Variants in CRTC3 observed in about 807,000 individuals in gnomAD.
The protein encoded by CRTC3 is CREB-regulated transcription coactivator 3.
In CRTC3, 26 loss-of-function variants were observed where a neutral mutation model predicts 74.5. The observed-to-expected ratio is 0.35, with a 90% CI of 0.26 to 0.48. The LOEUF (loss-of-function observed/expected upper bound fraction) is 0.48, where lower values mean the gene tolerates loss of function less well. CRTC3 is among the 20% of genes least tolerant of loss of function. The pLI is 0.99. For missense variants in CRTC3, 760 were observed against 787.3 expected (o/e 0.97, Z 0.41); for synonymous variants, 377 against 325.8 (o/e 1.16, Z -1.69).
intron 2 of CRTC3, among the ~76,000 whole-genome samples, chr15:90,567,662 A>G (rs1967156030): frequency 1.3e-5 from 2 of 149,024 alleles, no homozygotes; most frequent in East Asian, 4.0e-4. Context: ...TACTCCAGCC[A>G]GGGCAACAAG....
At chr15:90,577,174 C>T (rs77018290) in intron 2 of CRTC3, among the ~76,000 whole-genome samples, 1,837 of 152,264 alleles carry the variant, frequency 0.012, 54 homozygotes, top group East Asian at 0.12. Flanking sequence ...TTTCAATCTC[C>T]CCATTACCAT....
At chr15:90,568,872 A>G (rs1967187627) in intron 2 of CRTC3, among the ~76,000 whole-genome samples, 1 of 152,246 alleles carries the variant, frequency 6.6e-6, no homozygotes, top group Admixed American at 6.5e-5. Flanking sequence ...TGAAGGCTCA[A>G]ATGATCCTTA....
chr15:90,639,981 G>A (rs938426706), intron 13 of CRTC3, among the ~76,000 whole-genome samples: 4 of 151,920 alleles, frequency 2.6e-5, no homozygotes, highest in South Asian at 2.1e-4. Flanking sequence ...GCCGGGAGGC[G>A]GAGCTTGCAG....
chr15:90,584,045 C>T (rs999333563), intron 2 of CRTC3, among the ~76,000 whole-genome samples: 22 of 151,994 alleles, frequency 1.4e-4, no homozygotes, highest in Admixed American at 1.4e-3. Flanking sequence ...GCTGGCAGTG[C>T]CTAGAATGAT....
Position 90,579,634 on chromosome 15 carries a change from C to CCT in CRTC3, c.232-14002_232-14001insCT, listed in dbSNP as rs772962487. On this transcript the variant is annotated intron_variant, in intron 2 of 14. Coordinates refer to ENST00000268184, the MANE Select transcript of CRTC3 (RefSeq NM_022769.5). ...GATTACATGGAGTAAACGTATTTCA[C>CCT]TTTTTTTTTTTTTTTTTTTTTTTTT... is the stretch of plus-strand genomic sequence containing the variant. Among the ~76,000 whole-genome samples the CCT allele has an allele frequency of 9.5e-5, 8 of 84,200 alleles. No individual in the cohort carries two copies. In the East Asian group the frequency reaches 2.9e-3, roughly 30 times the overall value. The allele number at this position is 84,200 out of a possible 152,430, so 55.2% of individuals were successfully genotyped here. A position where few individuals can be genotyped will look rare whatever the true frequency, so the allele number is the denominator to read the frequency against.
intron 2 of CRTC3, among the ~76,000 whole-genome samples, chr15:90,580,575 G>A (rs1967515651): frequency 6.6e-6 from 1 of 151,906 alleles, no homozygotes; most frequent in Admixed American, 6.6e-5. Context: ...TTACAGGCAC[G>A]TGCATGACCA....
rs929860237 is a variant in CRTC3 at position 90,530,668 on chromosome 15, G to C, written c.132+465G>C. On this transcript the variant is annotated intron_variant, in intron 1 of 14. Transcript: ENST00000268184. This position sits in a 1 kb window ranked among gnomAD's most constrained non-coding sequence, Gnocchi z 6.2. ...AGGGTCCCACGCGCTCGTGGGGGGA[G>C]CTCTGTGCACAAGTCCATCCAGGGC... is the stretch of plus-strand genomic sequence containing the variant. The C allele has an allele frequency of 6.6e-6, 1 of 152,244 alleles. No individual in the cohort carries two copies. The highest frequency in any genetic ancestry group is 2.4e-5 in the African/African-American group (1 of 41,446). The allele number at this position is 152,244 out of a possible 1,614,324, so 9.4% of individuals were successfully genotyped here.
intron 3 of CRTC3, 180 bp downstream of exon 3, chr15:90,593,935 T>C (rs1967858736): frequency 1.9e-6 from 1 of 533,600 alleles, no homozygotes; most frequent in Non-Finnish European, 3.1e-6. Context: ...TTTGGAAACA[T>C]CATTGTAGGT....
intron 11 of CRTC3, among the ~76,000 whole-genome samples, chr15:90,632,286 TAATA>T (rs1969067759): frequency 6.6e-6 from 1 of 152,136 alleles, no homozygotes; most frequent in South Asian, 2.1e-4. Flanking sequence ...TTAATTTGTT[TAATA>T]TTTAGATTTT....
At chr15:90,548,123 A>G (rs1490273741) in intron 2 of CRTC3, among the ~76,000 whole-genome samples, 1 of 151,386 alleles carries the variant, frequency 6.6e-6, no homozygotes, top group Non-Finnish European at 1.5e-5. Flanking sequence ...TCCTGAGCTC[A>G]AGCGATCCAC....
At chr15:90,598,625 A>G (rs145530205) in intron 3 of CRTC3, 198 of 673,958 alleles carry the variant, frequency 2.9e-4, no homozygotes, top group Non-Finnish European at 4.2e-4. Context: ...ATGGACTATA[A>G]GAAGAGGAAC....
At chr15:90,579,656 T>TTTTTTTTTTC in intron 2 of CRTC3, among the ~76,000 whole-genome samples, 1 of 143,990 alleles carries the variant, frequency 6.9e-6, no homozygotes, top group African/African-American at 2.8e-5. Flanking sequence ...TTTTTTTTTT[T>TTTTTTTTTTC]TTTGAGACAG....
intron 2 of CRTC3, among the ~76,000 whole-genome samples, chr15:90,562,789 A>C (rs116400607): frequency 0.015 from 2,239 of 152,162 alleles, 49 homozygotes; most frequent in African/African-American, 0.049. Flanking sequence ...GTTGGGAGGC[A>C]ACAGCCTGGA....
At chr15:90,534,676 C>T (rs1966688198) in intron 1 of CRTC3, among the ~76,000 whole-genome samples, 1 of 152,214 alleles carries the variant, frequency 6.6e-6, no homozygotes, top group Non-Finnish European at 1.5e-5. Context: ...ACTCACCCGA[C>T]ATTTCTGGAC....
chr15:90,624,460 C>A (rs755804898), intron 9 of CRTC3, among the ~76,000 whole-genome samples: 30 of 152,096 alleles, frequency 2.0e-4, no homozygotes, highest in Non-Finnish European at 3.5e-4. Flanking sequence ...CCTGCCTCTC[C>A]CTCCCCATGT....
intron 2 of CRTC3, among the ~76,000 whole-genome samples, chr15:90,546,425 G>C (rs1390287352): frequency 6.6e-6 from 1 of 152,042 alleles, no homozygotes; most frequent in Non-Finnish European, 1.5e-5. Context: ...ACCATCTTCT[G>C]TGTCATTGGT....
intron 2 of CRTC3, among the ~76,000 whole-genome samples, chr15:90,541,097 G>A (rs1966795050): frequency 1.3e-5 from 2 of 152,192 alleles, no homozygotes; most frequent in Non-Finnish European, 2.9e-5. Context: ...TCAAACCAAT[G>A]TGGAATTGGT....
intron 2 of CRTC3, among the ~76,000 whole-genome samples, chr15:90,567,567 A>G (rs1455980060): frequency 1.3e-5 from 2 of 152,082 alleles, no homozygotes; most frequent in Non-Finnish European, 2.9e-5. Context: ...GCATGCCTGT[A>G]ATCCCAGCTA....
chr15:90,598,737 G>A lies in CRTC3; in HGVS notation c.352-3587G>A, dbSNP rs1967994001. 1.1e-4 allele frequency: 60 copies of A among 570,280 alleles called. 1 individual carries two copies. The South Asian group carries it at 1.2e-3, about 11-fold the overall frequency. The allele number at this position is 570,280 out of a possible 1,614,324, so 35.3% of individuals were successfully genotyped here. A position where few individuals can be genotyped will look rare whatever the true frequency, so the allele number is the denominator to read the frequency against. On this transcript the variant is annotated intron_variant, in intron 3 of 14. Transcript: ENST00000268184. The stretch of plus-strand genomic sequence containing the variant: ...GTAGGCAGTTGGAAGTATGCACTTG[G>A]AGTTCACAAAAGAACTGTTGGGAGC...
Sources: allele counts gnomAD v4.1 joint callset (sites outside exome capture counted in the v4.1 genomes callset), GRCh38; gene constraint gnomAD v4.1.1; non-coding constraint Gnocchi (gnomAD v3.1); transcripts MANE v1.5; gene names NCBI Gene and HGNC (gene_info 2026-07-23, HGNC 2026-07-21).